MED16: variants seen among roughly 807,000 people sequenced by gnomAD.
The protein encoded by MED16 is mediator complex subunit 16, also known as mediator of RNA polymerase II transcription subunit 16.
A neutral mutation model predicts 84.4 loss-of-function variants in MED16; 81 were observed. The observed-to-expected ratio is 0.96, with a 90% CI of 0.80 to 1.15. MED16 has a LOEUF of 1.15. MED16 is among the 50% of genes most tolerant of loss of function. MED16 has a pLI of 0.00. For synonymous variants in MED16, 897 were observed against 552.2 expected, an observed-to-expected ratio of 1.62 and a Z score of -8.76; for missense variants, 1,585 against 1,245.9, an observed-to-expected ratio of 1.27 and a Z score of -4.10.
At chr19:871,311 C>A in intron 12 of MED16, 58 bp from the exon 13 acceptor site, 2 of 1,477,532 alleles carry the variant, frequency 1.4e-6, no homozygotes, top group Non-Finnish European at 1.8e-6. Flanking sequence ...GCCCGGCCAC[C>A]CGGGACGTGC....
Position 870,936 on chromosome 19 carries a change from G to C in MED16, c.2315+101C>G, listed in dbSNP as rs1291285059. 10 of 1,216,432 alleles carry C rather than the reference G, an allele frequency of 8.2e-6. No individual in the cohort carries two copies. In the Admixed American group the frequency reaches 2.1e-4, roughly 25 times the overall value. The allele number at this position is 1,216,432 out of a possible 1,614,324, so 75.4% of individuals were successfully genotyped here. ...CCGTGTGGATTCGGGGGGACCTGGG[G>C]CAGGACATGCAGGGAGGGAGCCGTG... On this transcript the variant is annotated intron_variant, in intron 13 of 15. Transcript: ENST00000325464.
At chr19:870,775 C>T (rs1281757634) in intron 13 of MED16, among the ~76,000 whole-genome samples, 6 of 113,338 alleles carry the variant, frequency 5.3e-5, no homozygotes, top group Admixed American at 2.9e-4. Flanking sequence ...GGGAGGGAGC[C>T]GTGTGGATTC....
intron 13 of MED16, among the ~76,000 whole-genome samples, chr19:869,901 C>T (rs948035781): frequency 6.6e-6 from 1 of 152,200 alleles, no homozygotes; most frequent in Non-Finnish European, 1.5e-5. Context: ...GACCGCGTGA[C>T]CCCAGATGAG....
Position 875,402 on chromosome 19 carries a change from G to A in MED16, c.1613C>T (p.Pro538Leu), listed in dbSNP as rs780725521. The A allele has an allele frequency of 6.2e-7, 1 of 1,607,744 alleles. No homozygotes were observed. The highest frequency in any genetic ancestry group is 1.7e-5 in the Admixed American group (1 of 60,002). ...AMKASLCKLSPCTVTRVCDYH... is the reference protein window; with the variant it reads ...AMKASLCKLSLCTVTRVCDYH... The stretch of plus-strand genomic sequence containing the variant: ...GTCGCACACGCGGGTCACCGTGCAG[G>A]GCGACAGCTTGCAGAGCGAGGCCTT... The change falls in exon 10 of 16, where the codon CCC becomes CTC. Residue 538 changes from proline to leucine, a missense_variant. Transcript: ENST00000325464.
chr19:876,440 C>T (rs1042163771), intron 9 of MED16, among the ~76,000 whole-genome samples: 6 of 152,128 alleles, frequency 3.9e-5, no homozygotes, highest in African/African-American at 1.4e-4. Flanking sequence ...TGGTACCCAT[C>T]ACATTCTGAG....
chr19:875,536 G>A lies in MED16; in HGVS notation c.1561-82C>T, dbSNP rs932406457. ...CTCCAGCTGAGGAGAAGAGCAGTTC[G>A]ACTCTGACACCAGGCGCTCGGTCAG... On this transcript the variant is annotated intron_variant, in intron 9 of 15. Transcript: ENST00000325464. 39 of 1,141,418 alleles carry A rather than the reference G, an allele frequency of 3.4e-5. No homozygotes were observed. The Admixed American group carries it at 3.9e-4, about 11-fold the overall frequency. The allele number at this position is 1,141,418 out of a possible 1,614,324, so 70.7% of individuals were successfully genotyped here.
chr19:881,751 G>C (rs1266642516), intron 6 of MED16, 37 bp from the exon 7 acceptor site: 2 of 1,597,144 alleles, frequency 1.3e-6, no homozygotes, highest in Non-Finnish European at 1.7e-6. Context: ...GAAGGCAATG[G>C]AGTAAAGACA....
chr19:868,985 C>T, intron 13 of MED16, 39 bp from the exon 14 acceptor site: 2 of 1,499,230 alleles, frequency 1.3e-6, no homozygotes, highest in Non-Finnish European at 1.8e-6. Context: ...GGCCTGGGCA[C>T]CACGAGGCCA....
chr19:873,426 C>A (rs374612868), intron 11 of MED16, 23 bp downstream of exon 11: 2 of 1,601,108 alleles, frequency 1.2e-6, no homozygotes. Context: ...GGGGGCGGGG[C>A]CTTAGGGGAG....
intron 11 of MED16, among the ~76,000 whole-genome samples, 166 bp from the exon 12 acceptor site, chr19:872,284 G>A (rs918516018): frequency 1.1e-4 from 17 of 151,946 alleles, no homozygotes; most frequent in East Asian, 1.9e-4. Context: ...GGTGGATGCC[G>A]GGGACGCTGC....
intron 6 of MED16, among the ~76,000 whole-genome samples, chr19:884,628 A>G (rs1308939828): frequency 1.3e-5 from 2 of 152,156 alleles, no homozygotes; most frequent in Non-Finnish European, 2.9e-5. Flanking sequence ...TGGCTGAGCA[A>G]CGACACCTCT....
chr19:869,687 G>A (rs1248437401), intron 13 of MED16, among the ~76,000 whole-genome samples: 17 of 152,184 alleles, frequency 1.1e-4, no homozygotes, highest in Admixed American at 1.1e-3. Flanking sequence ...TGGAGGTCCT[G>A]GAGCCGAGCC....
chr19:870,887 C>T (rs371557917), intron 13 of MED16, 150 bp downstream of exon 13: 32 of 656,634 alleles, frequency 4.9e-5, no homozygotes, highest in Middle Eastern at 8.7e-4. Flanking sequence ...CGGGGGGTCC[C>T]GGGCAGGACA....
intron 4 of MED16, among the ~76,000 whole-genome samples, chr19:888,566 T>C (rs2036569669): frequency 6.6e-6 from 1 of 150,388 alleles, no homozygotes; most frequent in Admixed American, 6.6e-5. Flanking sequence ...AGGTTAGCTA[T>C]GGTGGTGGCC....
At chr19:871,771 G>T in intron 12 of MED16, 155 bp downstream of exon 12, 1 of 433,920 alleles carries the variant, frequency 2.3e-6, no homozygotes, top group Non-Finnish European at 4.3e-6. Context: ...GGGGAGCGGG[G>T]AGAGGGGAGA....
At chr19:891,225 G>A in intron 1 of MED16, 76 bp from the exon 2 acceptor site, 1 of 1,390,436 alleles carries the variant, frequency 7.2e-7, no homozygotes, top group Non-Finnish European at 9.8e-7. Flanking sequence ...GCCAGAAGTG[G>A]GAAAACAATG....
In MED16 at chr19:871,799, G is replaced by A. The variant is rs112403977; in HGVS notation, c.2098+127C>T. ...AGGGGAGAGGGGAGAGCGGGGAGAA[G>A]GGAGAGCGGGGAGAGGGGAGAGCGG... On this transcript the variant is annotated intron_variant, in intron 12 of 15. Coordinates refer to ENST00000325464, the MANE Select transcript of MED16 (RefSeq NM_005481.3). 8.1e-3 allele frequency: 1,427 copies of A among 175,978 alleles called. 96 individuals carry two copies. Among genetic ancestry groups the A allele is most frequent in the African/African-American group, 0.057 (238 of 4,178 alleles). The allele number at this position is 175,978 out of a possible 1,614,324, so 10.9% of individuals were successfully genotyped here. A position where few individuals can be genotyped will look rare whatever the true frequency, so the allele number is the denominator to read the frequency against.
In MED16 at chr19:879,941, C is replaced by T. The variant is rs759368223; in HGVS notation, c.1349G>A (p.Gly450Glu). ...SLALVGIDSHGKLSVLRLSPS... is the reference protein window; with the variant it reads ...SLALVGIDSHEKLSVLRLSPS... The stretch of plus-strand genomic sequence containing the variant: ...CCACGTGCCCCAGCAGCTCACCTTC[C>T]CGTGGCTGTCAATCCCCACCAGGGC... Residue 450 changes from glycine (G) to glutamate (E), a missense_variant, in exon 8 of 16, where the codon GGG (glycine) becomes GAG (glutamate). Physicochemically the swap from Gly to Glu is moderately conservative, Grantham distance 98 (BLOSUM62 -2). Coordinates refer to ENST00000325464, the MANE Select transcript of MED16 (RefSeq NM_005481.3). The T allele has an allele frequency of 2.5e-6, 4 of 1,598,142 alleles. No homozygotes were observed. In the Admixed American group the frequency reaches 5.2e-5, roughly 21 times the overall value.
At chr19:874,258 C>T (rs934029389) in intron 10 of MED16, among the ~76,000 whole-genome samples, 8 of 152,112 alleles carry the variant, frequency 5.3e-5, no homozygotes, top group African/African-American at 1.7e-4. Flanking sequence ...GGACTACAGG[C>T]GCCCGCCACC....
Sources: allele counts gnomAD v4.1 joint callset (sites outside exome capture counted in the v4.1 genomes callset), GRCh38; gene constraint gnomAD v4.1.1; transcripts MANE v1.5; gene names NCBI Gene and HGNC (gene_info 2026-07-23, HGNC 2026-07-21).